Variants in IQSEC2 observed in about 807,000 individuals in gnomAD.
IQSEC2 encodes the protein IQ motif and Sec7 domain ArfGEF 2.
Under a neutral mutation model 74.6 loss-of-function variants are expected in IQSEC2, and 6 were observed. The ratio of observed to expected loss-of-function variants is 0.08; its 90% CI spans 0.04 to 0.16. The LOEUF (loss-of-function observed/expected upper bound fraction) is 0.16, where lower values mean the gene tolerates loss of function less well. IQSEC2 is among the 10% of genes least tolerant of loss of function. IQSEC2 has a pLI of 1.00. For synonymous variants in IQSEC2, 494 were observed against 544.5 expected (o/e 0.91, Z 1.29); for missense variants, 734 against 1,306.2 (o/e 0.56, Z 6.75).
intron 1 of IQSEC2, among the ~76,000 whole-genome samples, chrX:53,316,831 CAAAAAAAAAA>C (rs376964568): frequency 1.4e-5 from 1 of 73,238 alleles, no homozygotes; most frequent in African/African-American, 4.8e-5. Context: ...AAACCAAAAC[CAAAAAAAAAA>C]AAAAAAGAAA....
chrX:53,284,766 G>T (rs2075009040), intron 2 of IQSEC2, among the ~76,000 whole-genome samples: 1 of 111,987 alleles, frequency 8.9e-6, no homozygotes, highest in Admixed American at 9.5e-5. Context: ...ACACATGGTG[G>T]GGGGACAATG....
intron 1 of IQSEC2, among the ~76,000 whole-genome samples, chrX:53,314,122 G>T (rs782540776): frequency 1.8e-5 from 2 of 112,034 alleles, no homozygotes; most frequent in East Asian, 2.8e-4. Flanking sequence ...CTCCCAAAGT[G>T]CTGGGAGCTA....
intron 2 of IQSEC2, among the ~76,000 whole-genome samples, chrX:53,262,300 C>T (rs2074580158): frequency 8.9e-6 from 1 of 112,424 alleles, no homozygotes; most frequent in Non-Finnish European, 1.9e-5. Context: ...GAGGTCTTCT[C>T]TCCCTCCTTC....
At chrX:53,313,328 A>G (rs1556878370) in intron 1 of IQSEC2, among the ~76,000 whole-genome samples, 3 of 111,689 alleles carry the variant, frequency 2.7e-5, no homozygotes, top group Non-Finnish European at 5.6e-5. Context: ...GAGAAAACTG[A>G]GGCTCTGAAA....
chrX:53,276,385 C>T (rs782542692), intron 2 of IQSEC2, among the ~76,000 whole-genome samples: 28 of 111,807 alleles, frequency 2.5e-4, no homozygotes, highest in Non-Finnish European at 4.0e-4. Context: ...TAATGGTTTG[C>T]GTGTATATTT....
chrX:53,309,329 C>T (rs1273523037), intron 1 of IQSEC2, among the ~76,000 whole-genome samples: 1 of 111,897 alleles, frequency 8.9e-6, no homozygotes, highest in Non-Finnish European at 1.9e-5. Context: ...GATAGGAAGA[C>T]GTCAGTTTTT....
chrX:53,257,140 TG>T (rs1216414957), intron 2 of IQSEC2, among the ~76,000 whole-genome samples: 2 of 111,166 alleles, frequency 1.8e-5, no homozygotes, highest in African/African-American at 3.3e-5. Context: ...GGTCTCATTA[TG>T]GGGGGCACAA....
intron 1 of IQSEC2, among the ~76,000 whole-genome samples, chrX:53,320,210 A>G (rs1175249436): frequency 9.0e-6 from 1 of 111,324 alleles, no homozygotes; most frequent in African/African-American, 3.3e-5. Flanking sequence ...ACCGGGAAAG[A>G]AGAGACGCCT....
chrX:53,279,182 G>GA (rs377589720), intron 2 of IQSEC2: 1,247 of 119,386 alleles, frequency 0.01, no homozygotes, highest in East Asian at 0.014. Context: ...CTCCATCTCA[G>GA]AAAAAAAAAA....
At chrX:53,266,596 G>A in intron 2 of IQSEC2, 2 of 784,164 alleles carry the variant, frequency 2.6e-6, no homozygotes, top group Non-Finnish European at 3.0e-6. Flanking sequence ...GACAGAGGTA[G>A]GTCCTTGGGA....
At chrX:53,239,333 T>G (rs2074182745) in intron 10 of IQSEC2, 39 bp from the exon 11 acceptor site, 1 of 887,848 alleles carries the variant, frequency 1.1e-6, no homozygotes, top group African/African-American at 2.0e-5. Flanking sequence ...GGCAGCGCTT[T>G]GGGTGGGGGA....
chrX:53,227,614 G>T, downstream of IQSEC2: 1 of 314,851 alleles, frequency 3.2e-6, no homozygotes, highest in South Asian at 1.5e-4. Flanking sequence ...CCGTGATGGT[G>T]GTAGTGGTGG....
At chrX:53,270,698 C>A (rs1602317602) in intron 2 of IQSEC2, among the ~76,000 whole-genome samples, 1 of 112,348 alleles carries the variant, frequency 8.9e-6, no homozygotes, top group African/African-American at 3.2e-5. Flanking sequence ...CAGTGCTAAA[C>A]CCCTAGTGCC....
downstream of IQSEC2, chrX:53,229,693 CAAAA>C (rs1326947405): frequency 9.4e-6 from 1 of 106,398 alleles, no homozygotes; most frequent in African/African-American, 3.5e-5. Flanking sequence ...GACCCTGTCT[CAAAA>C]AAGAAAAAAA....
chrX:53,246,088 C>A (rs781809415), intron 8 of IQSEC2, among the ~76,000 whole-genome samples: 1 of 111,239 alleles, frequency 9.0e-6, no homozygotes, highest in Non-Finnish European at 1.9e-5. Flanking sequence ...TCTGGAACTC[C>A]TGGCCTCATG....
chrX:53,252,599 T>C (rs1307766433), intron 4 of IQSEC2, among the ~76,000 whole-genome samples: 1 of 110,559 alleles, frequency 9.0e-6, no homozygotes, highest in African/African-American at 3.3e-5. Flanking sequence ...GTGGGTGAGC[T>C]TGAAAGCAGA....
In IQSEC2 at chrX:53,235,198, G is replaced by T; in HGVS notation, c.3502-14C>A. 4 of 1,164,414 alleles carry T rather than the reference G, an allele frequency of 3.4e-6. No individual in the cohort carries two copies. The highest frequency in any genetic ancestry group is 1.9e-5 in the South Asian group (1 of 52,665). ...AATAACAGACCCCTGGAAGCGGGGA[G>T]GGGGGAAGTCAGGCCAGGCTAGATG... On this transcript the variant is annotated splice_polypyrimidine_tract_variant and intron_variant, in intron 14 of 14. Transcript: ENST00000642864.
rs181108304 is a variant in IQSEC2, at chrX:53,315,208, T to C, written c.707+5209A>G. 1.8e-3 allele frequency among the ~76,000 whole-genome samples: 199 copies of C among 111,556 alleles called. 2 individuals carry two copies. Among genetic ancestry groups the C allele is most frequent in the African/African-American group, 6.2e-3 (189 of 30,713 alleles). The stretch of plus-strand genomic sequence containing the variant: ...GAGTTCGAGACCAGCCTGACCAACA[T>C]GGTGAAACCCCGTCTCTACTAAAAA... On this transcript the variant is annotated intron_variant, in intron 1 of 14. Coordinates refer to ENST00000642864, the MANE Select transcript of IQSEC2 (RefSeq NM_001111125.3).
chrX:53,248,279 C>A, intron 6 of IQSEC2, 43 bp from the exon 7 acceptor site: 1 of 1,198,923 alleles, frequency 8.3e-7, no homozygotes. Context: ...AATTCCTCTG[C>A]AGAAAACCTC....
Sources: allele counts gnomAD v4.1 joint callset (sites outside exome capture counted in the v4.1 genomes callset), GRCh38; gene constraint gnomAD v4.1.1; transcripts MANE v1.5; gene names NCBI Gene and HGNC (gene_info 2026-07-23, HGNC 2026-07-21).